The following RNF130 variants were observed in gnomAD, a reference collection of about 807,000 sequenced individuals.
RNF130 encodes the protein E3 ubiquitin-protein ligase RNF130.
A neutral mutation model predicts 44.6 loss-of-function variants in RNF130; 21 were observed. The observed-to-expected ratio is 0.47, with a 90% CI of 0.33 to 0.68. The LOEUF (loss-of-function observed/expected upper bound fraction) is 0.68, where lower values mean the gene tolerates loss of function less well. Among genes scored for constraint, RNF130 ranks in the 30% least tolerant of loss-of-function variants. The pLI, the probability that RNF130 is intolerant of heterozygous loss-of-function variation, is 0.02. For missense variants in RNF130, 479 were observed against 560.6 expected (o/e 0.85, Z 1.47); for synonymous variants, 214 against 210.4 (o/e 1.02, Z -0.15).
intron 7 of RNF130, among the ~76,000 whole-genome samples, chr5:179,922,724 A>T (rs1424371799): frequency 6.6e-6 from 1 of 151,526 alleles, no homozygotes; most frequent in Admixed American, 6.6e-5. Flanking sequence ...GCTTCAGCTC[A>T]GGAGTTCAAG....
intron 3 of RNF130, among the ~76,000 whole-genome samples, chr5:180,009,275 T>C (rs1457136955): frequency 2.0e-5 from 3 of 152,354 alleles, no homozygotes; most frequent in African/African-American, 7.2e-5. Context: ...TAGAAATTTT[T>C]GCTTTTCAAA....
chr5:180,069,925 C>A (rs947389969), intron 1 of RNF130, among the ~76,000 whole-genome samples: 4 of 152,168 alleles, frequency 2.6e-5, no homozygotes, highest in African/African-American at 9.7e-5. Flanking sequence ...AGGCAAGCAA[C>A]AAGTAGCTGA....
At position 179,970,040 on chromosome 5, in the gene RNF130, C is replaced by T. The variant is rs1349542566; in HGVS notation, c.945+370G>A. On this transcript the variant is annotated intron_variant, in intron 6 of 8. Transcript: ENST00000521389. ...GCATGGCGGTGTATGCCTGTAGTCC[C>T]AGCTACTCAGAAGGCGAGGTGGGAG... Among the ~76,000 whole-genome samples the T allele has an allele frequency of 2.0e-5, 3 of 152,038 alleles. No homozygotes were observed. The South Asian group carries it at 6.2e-4, about 32-fold the overall frequency.
At chr5:180,026,638 A>AG (rs961041520) in intron 2 of RNF130, among the ~76,000 whole-genome samples, 7 of 152,262 alleles carry the variant, frequency 4.6e-5, no homozygotes, top group Non-Finnish European at 7.3e-5. Context: ...TGACAAGGCA[A>AG]GAAAACAAAA....
At chr5:180,045,052 AAC>A (rs1376563458) in intron 1 of RNF130, among the ~76,000 whole-genome samples, 1 of 152,290 alleles carries the variant, frequency 6.6e-6, no homozygotes. Context: ...CCAGCATAAA[AAC>A]ACAGAGCAAA....
At chr5:179,955,770 C>A in intron 8 of RNF130, 101 bp from the exon 9 acceptor site, 1 of 926,802 alleles carries the variant, frequency 1.1e-6, no homozygotes, top group Non-Finnish European at 1.6e-6. Flanking sequence ...TGGCTGTCCC[C>A]AGCTAGTTCC....
chr5:179,994,443 T>G (rs1010832953), intron 3 of RNF130, among the ~76,000 whole-genome samples: 4 of 152,212 alleles, frequency 2.6e-5, no homozygotes, highest in Admixed American at 1.3e-4. Context: ...GTAAGTTGGA[T>G]TCCTATGTAT....
At chr5:180,042,666 G>T (rs1211550863) in intron 1 of RNF130, among the ~76,000 whole-genome samples, 1 of 152,184 alleles carries the variant, frequency 6.6e-6, no homozygotes, top group Non-Finnish European at 1.5e-5. Context: ...CCAAGGAACT[G>T]GTTTTAGGTG....
At chr5:180,050,779 A>G (rs1475723291) in intron 1 of RNF130, among the ~76,000 whole-genome samples, 2 of 152,204 alleles carry the variant, frequency 1.3e-5, no homozygotes, top group African/African-American at 2.4e-5. Context: ...ATTTTCTCTC[A>G]GCACTTCGGG....
intron 1 of RNF130, among the ~76,000 whole-genome samples, chr5:180,050,467 C>T (rs1764663282): frequency 6.6e-6 from 1 of 152,210 alleles, no homozygotes; most frequent in Non-Finnish European, 1.5e-5. Flanking sequence ...CCCATTCAAA[C>T]GTTAACCTCG....
At chr5:180,052,369 C>A (rs1249971531) in intron 1 of RNF130, among the ~76,000 whole-genome samples, 7 of 152,156 alleles carry the variant, frequency 4.6e-5, no homozygotes, top group Non-Finnish European at 1.0e-4. Context: ...TACTGAAACA[C>A]AAAGGACGAA....
intron 7 of RNF130, among the ~76,000 whole-genome samples, chr5:179,946,914 C>G (rs1762051136): frequency 6.6e-6 from 1 of 152,176 alleles, no homozygotes; most frequent in Non-Finnish European, 1.5e-5. Flanking sequence ...TCGGGCTGAT[C>G]TCAGGGCCGG....
intron 5 of RNF130, among the ~76,000 whole-genome samples, chr5:179,976,416 G>C (rs567785757): frequency 6.6e-6 from 1 of 152,282 alleles, no homozygotes; most frequent in East Asian, 1.9e-4. Flanking sequence ...GCTTCTCCTG[G>C]TCATTCCAGT....
chr5:180,066,306 G>A (rs1344371115), intron 1 of RNF130, among the ~76,000 whole-genome samples: 2 of 152,118 alleles, frequency 1.3e-5, no homozygotes, highest in African/African-American at 2.4e-5. Context: ...TCTTGCTGCC[G>A]CCATGTAAGA....
chr5:180,008,079 G>A (rs1582183356), intron 3 of RNF130, among the ~76,000 whole-genome samples: 1 of 147,952 alleles, frequency 6.8e-6, no homozygotes, highest in Admixed American at 6.9e-5. Context: ...CATGAGAAAC[G>A]GGTGGTGGCT....
At chr5:179,973,867 G>A (rs868131868) in intron 5 of RNF130, among the ~76,000 whole-genome samples, 1 of 152,322 alleles carries the variant, frequency 6.6e-6, no homozygotes, top group East Asian at 1.9e-4. Flanking sequence ...CAAGCATACT[G>A]AGCGCCAACA....
chr5:180,065,964 G>A (rs190192845), intron 1 of RNF130, among the ~76,000 whole-genome samples: 1 of 152,238 alleles, frequency 6.6e-6, no homozygotes. Flanking sequence ...ACATATTGCA[G>A]ACTTTATAAA....
chr5:180,063,036 G>A (rs1212530393), intron 1 of RNF130, among the ~76,000 whole-genome samples: 1 of 152,094 alleles, frequency 6.6e-6, no homozygotes, highest in African/African-American at 2.4e-5. Flanking sequence ...TGGGGGTGGG[G>A]AGGAGGAAGG....
intron 3 of RNF130, among the ~76,000 whole-genome samples, chr5:179,981,427 T>C (rs1021636812): frequency 3.3e-5 from 5 of 152,104 alleles, no homozygotes; most frequent in Admixed American, 1.3e-4. Context: ...CATAGAAACA[T>C]GTAAGAAAAA....
Sources: allele counts gnomAD v4.1 joint callset (sites outside exome capture counted in the v4.1 genomes callset), GRCh38; gene constraint gnomAD v4.1.1; transcripts MANE v1.5; gene names NCBI Gene and HGNC (gene_info 2026-07-23, HGNC 2026-07-21).